Variants in WASF3 observed in about 807,000 individuals in gnomAD.
WASF3 encodes the protein actin-binding protein WASF3.
In WASF3, 11 loss-of-function variants were observed where a neutral mutation model predicts 46.6. The observed-to-expected ratio is 0.24, with a 90% CI of 0.15 to 0.39. The LOEUF is 0.39. Among genes scored for constraint, WASF3 ranks in the 10% least tolerant of loss-of-function variants. WASF3 has a pLI of 1.00. For missense variants in WASF3, 576 were observed against 669.8 expected, an observed-to-expected ratio of 0.86 and a Z score of 1.55; for synonymous variants, 242 against 259.7, an observed-to-expected ratio of 0.93 and a Z score of 0.65.
At chr13:26,544,604 C>G in the WASF3 span, among the ~76,000 whole-genome samples, 1 of 152,236 alleles carries the variant, frequency 6.6e-6, no homozygotes, top group African/African-American at 2.4e-5. Flanking sequence ...TGTACCATGT[C>G]TAATGTGATG....
chr13:26,597,501 C>CT (rs1297332626), intron 1 of WASF3, among the ~76,000 whole-genome samples: 3 of 151,286 alleles, frequency 2.0e-5, no homozygotes, highest in African/African-American at 7.3e-5. Flanking sequence ...TTTTATTATA[C>CT]TTTAAGTTTT....
chr13:26,549,910 G>A, the WASF3 span, among the ~76,000 whole-genome samples: 59 of 152,220 alleles, frequency 3.9e-4, no homozygotes, highest in African/African-American at 1.0e-3. Context: ...CCAAAAGCCC[G>A]GGTGGCTTAT....
At chr13:26,669,240 C>G (rs1882860080) in intron 5 of WASF3, among the ~76,000 whole-genome samples, 1 of 111,852 alleles carries the variant, frequency 8.9e-6, no homozygotes, top group East Asian at 2.9e-4. Flanking sequence ...GAGATGGAGT[C>G]TCGCTCTGTC....
At chr13:26,627,565 C>CT (rs1323402308) in intron 2 of WASF3, among the ~76,000 whole-genome samples, 2 of 151,890 alleles carry the variant, frequency 1.3e-5, no homozygotes, top group African/African-American at 4.8e-5. Context: ...TTGGGGTGGG[C>CT]TGGGGGGACG....
At chr13:26,647,764 G>GA (rs34235035) in intron 3 of WASF3, among the ~76,000 whole-genome samples, 31 of 143,402 alleles carry the variant, frequency 2.2e-4, no homozygotes, top group Admixed American at 2.8e-4. Context: ...GAGCCCTGCC[G>GA]AAAAAAAAAA....
intron 6 of WASF3, among the ~76,000 whole-genome samples, chr13:26,674,070 TTCTA>T (rs1203597430): frequency 6.6e-6 from 1 of 152,182 alleles, no homozygotes; most frequent in Non-Finnish European, 1.5e-5. Flanking sequence ...GTTTGGCAGC[TTCTA>T]AGGATTTTAA....
intron 3 of WASF3, among the ~76,000 whole-genome samples, chr13:26,657,423 C>G (rs1052412992): frequency 1.3e-5 from 2 of 152,150 alleles, no homozygotes; most frequent in East Asian, 3.8e-4. Context: ...GATGTACCTG[C>G]TAGACACAGG....
the WASF3 span, among the ~76,000 whole-genome samples, chr13:26,544,714 C>T: frequency 5.3e-5 from 8 of 152,118 alleles, no homozygotes; most frequent in South Asian, 1.2e-3. Flanking sequence ...ACAAGCATCC[C>T]GAGTCTGTTT....
upstream of WASF3, among the ~76,000 whole-genome samples, chr13:26,556,932 T>C (rs1014385538): frequency 4.6e-5 from 7 of 151,978 alleles, no homozygotes; most frequent in Non-Finnish European, 8.8e-5. Flanking sequence ...TGACCTAGCT[T>C]TTCTATCTTG....
the WASF3 span, among the ~76,000 whole-genome samples, chr13:26,542,522 T>G: frequency 6.6e-6 from 1 of 152,212 alleles, no homozygotes. Context: ...CTATAAATCG[T>G]TTGTTATTCT....
intron 1 of WASF3, among the ~76,000 whole-genome samples, chr13:26,592,457 A>T (rs1215256274): frequency 6.6e-6 from 1 of 152,176 alleles, no homozygotes; most frequent in East Asian, 1.9e-4. Flanking sequence ...CCACGAACAC[A>T]GTTCCAGCAG....
chr13:26,633,121 C>T (rs576963498), intron 2 of WASF3, among the ~76,000 whole-genome samples: 3 of 151,380 alleles, frequency 2.0e-5, no homozygotes, highest in Non-Finnish European at 2.9e-5. Context: ...TTCAGAAAAC[C>T]AGCTCCTGGA....
At chr13:26,569,787 A>G (rs1270530664) in intron 1 of WASF3, among the ~76,000 whole-genome samples, 2 of 152,214 alleles carry the variant, frequency 1.3e-5, no homozygotes, top group East Asian at 1.9e-4. Flanking sequence ...GATTGATGAT[A>G]TCAATCAATT....
rs1306190780 is a variant in WASF3 at position 26,687,582 on chromosome 13, C to G, written c.*1737C>G. ...GCTGCTTCCCTGGTGTGTCTGTTCTCTCCTCTGTCCCAGGTGCTGGGAGCG... is the reference window on the plus strand; with the variant it reads ...GCTGCTTCCCTGGTGTGTCTGTTCTGTCCTCTGTCCCAGGTGCTGGGAGCG... On this transcript the variant is annotated 3_prime_UTR_variant, in exon 10 of 10. Transcript: ENST00000335327. 1 of 152,252 alleles carries G rather than the reference C, an allele frequency of 6.6e-6. No homozygotes were observed. Among genetic ancestry groups the G allele is most frequent in the East Asian group, 1.9e-4 (1 of 5,198 alleles). 9.4% of individuals were successfully genotyped at this position (152,252 alleles called of 1,614,324 possible). A position where few individuals can be genotyped will look rare whatever the true frequency, so the allele number is the denominator to read the frequency against.
chr13:26,573,732 G>A (rs1281421134), intron 1 of WASF3, among the ~76,000 whole-genome samples: 1 of 152,114 alleles, frequency 6.6e-6, no homozygotes, highest in Non-Finnish European at 1.5e-5. Context: ...TACATCAGAA[G>A]TATAGTTGAA....
chr13:26,620,727 A>T (rs1881279748), intron 2 of WASF3: 1 of 152,194 alleles, frequency 6.6e-6, no homozygotes, highest in African/African-American at 2.4e-5. Flanking sequence ...TAATGGTGAA[A>T]ACCCTGGTGG....
At chr13:26,673,685 A>G (rs1467679726) in intron 6 of WASF3, among the ~76,000 whole-genome samples, 1 of 152,246 alleles carries the variant, frequency 6.6e-6, no homozygotes, top group Non-Finnish European at 1.5e-5. Flanking sequence ...GGGGATTAAA[A>G]AACCCATGTT....
chr13:26,672,134 C>A, intron 6 of WASF3, 145 bp downstream of exon 6: 1 of 642,866 alleles, frequency 1.6e-6, no homozygotes. Context: ...AAGATCCTGA[C>A]AATTCAGTCA....
chr13:26,660,452 G>A (rs1882597945), intron 3 of WASF3, among the ~76,000 whole-genome samples: 1 of 151,958 alleles, frequency 6.6e-6, no homozygotes, highest in African/African-American at 2.4e-5. Context: ...CTGAGAACTG[G>A]CCCTTGACTT....
Sources: gnomAD v4.1 joint callset for allele counts (sites outside exome capture counted in the v4.1 genomes callset) on GRCh38, gnomAD v4.1.1 for gene constraint, MANE v1.5 for transcripts, NCBI Gene and HGNC (gene_info 2026-07-23, HGNC 2026-07-21) for gene names.